The following MLH3 variants were observed in gnomAD, a reference collection of about 807,000 sequenced individuals.
MLH3 encodes DNA mismatch repair protein Mlh3.
MLH3 carries 82 observed loss-of-function variants against 122.2 expected under a neutral mutation model. That is an observed-to-expected ratio of 0.67 (90% CI 0.56 to 0.81). The LOEUF (loss-of-function observed/expected upper bound fraction) is 0.81. Ranked by LOEUF, MLH3 falls within the 30% of genes least tolerant of loss-of-function variation. MLH3 has a pLI of 0.00. For synonymous variants in MLH3, 524 were observed against 599.5 expected, an observed-to-expected ratio of 0.87 and a Z score of 1.84; for missense variants, 1,539 against 1,714.5, an observed-to-expected ratio of 0.90 and a Z score of 1.81.
rs532526372 is a variant in MLH3, at chr14:75,017,265, G to A, written c.4243-64C>T. ...AAGGTAGGTAGCATACAGGCTGGGCGAGGTGACTCACACCTGTAATCCCAG... is the reference window on the plus strand; with the variant it reads ...AAGGTAGGTAGCATACAGGCTGGGCAAGGTGACTCACACCTGTAATCCCAG... On this transcript the variant is annotated intron_variant, in intron 12 of 12. Coordinates refer to ENST00000355774, the MANE Select transcript of MLH3 (RefSeq NM_001040108.2). 4.5e-6 allele frequency: 7 copies of A among 1,552,992 alleles called. No homozygotes were observed. In the African/African-American group the frequency reaches 5.6e-5, roughly 12 times the overall value.
chr14:75,051,197 G>C (rs1401000122), intron 1 of MLH3, among the ~76,000 whole-genome samples, 183 bp downstream of exon 1: 1 of 152,136 alleles, frequency 6.6e-6, no homozygotes, highest in African/African-American at 2.4e-5. Context: ...GCCAGGCCCA[G>C]CCCCTCCCTG....
chr14:75,031,686 C>T (rs943441064), intron 8 of MLH3, among the ~76,000 whole-genome samples: 4 of 152,140 alleles, frequency 2.6e-5, no homozygotes, highest in African/African-American at 9.7e-5. Context: ...TGGTGGTGCT[C>T]ACCTGTAGTT....
rs1466170262 is a variant in MLH3 at position 75,042,438 on chromosome 14, A to C, written c.3320T>G (p.Val1107Gly). 1.2e-6 allele frequency: 2 copies of C among 1,614,246 alleles called. No individual in the cohort carries two copies. The highest frequency in any genetic ancestry group is 2.2e-5 in the South Asian group (2 of 91,084). ...TCGAGCTCTCGGAAGGAAAGGAAGA[A>C]CAAGGTCGCTTCTAAAAGGTTGACA... ...YRCQPFRSDL[V>G]LPFLPRARAE... The change falls in exon 3 of 13, where the codon GTT (valine) becomes GGT (glycine). Residue 1107 changes from valine to glycine, a missense_variant. Coordinates refer to ENST00000355774, the MANE Select transcript of MLH3 (RefSeq NM_001040108.2).
At chr14:75,040,059 G>A (rs1199494632) in intron 4 of MLH3, 44 bp from the exon 5 acceptor site, 1 of 1,044,520 alleles carries the variant, frequency 9.6e-7, no homozygotes. Flanking sequence ...TAATTTTTGT[G>A]TCAGAATTGT....
chr14:75,038,650 C>T (rs1040419827), intron 5 of MLH3, among the ~76,000 whole-genome samples: 2 of 152,038 alleles, frequency 1.3e-5, no homozygotes, highest in African/African-American at 4.8e-5. Context: ...AGACAGACTC[C>T]CACGTCTCAG....
chr14:75,020,260 T>C (rs1440049226), intron 11 of MLH3, among the ~76,000 whole-genome samples: 17 of 152,190 alleles, frequency 1.1e-4, no homozygotes, highest in Admixed American at 1.1e-3. Context: ...CGAAGACCCT[T>C]GTGGGCCACA....
chr14:75,031,516 ACAGTGGAAAGAATAGGCTGGGTC>A (rs1268036490), intron 8 of MLH3, among the ~76,000 whole-genome samples: 4 of 152,260 alleles, frequency 2.6e-5, no homozygotes, highest in African/African-American at 9.6e-5. Flanking sequence ...CAGCTGGGAT[ACAGTGGAAAGAATAGGCTGGGTC>A]CAGTGGCTCA....
rs772010423 is a variant in MLH3 at position 75,039,933 on chromosome 14, T to C, written c.3548A>G (p.Lys1183Arg). 1.7e-5 allele frequency: 26 copies of C among 1,561,202 alleles called. No homozygotes were observed. Among genetic ancestry groups the C allele is most frequent in the East Asian group, 2.4e-5 (1 of 41,726 alleles). The change falls in exon 5 of 13, where the codon AAA (lysine) becomes AGA (arginine). Residue 1183 changes from lysine to arginine, a missense_variant. Lys to Arg is a conservative substitution (Grantham distance 26). Transcript: ENST00000355774. The part of the protein sequence containing the change: ...HNILYPYRFT[K>R]GMIHSMQVLQ... ...TACCTGCATTGAATGAATCATTCCT[T>C]TGGTGAAACGATAGGGATACAAGAT... is the stretch of plus-strand genomic sequence containing the variant.
intron 9 of MLH3, among the ~76,000 whole-genome samples, chr14:75,029,347 A>G (rs1352734419): frequency 2.0e-5 from 3 of 152,076 alleles, no homozygotes; most frequent in Non-Finnish European, 4.4e-5. Context: ...GGTGAAAGAA[A>G]ATCTGCATTT....
chr14:75,019,745 T>C (rs528835756), intron 11 of MLH3, among the ~76,000 whole-genome samples: 10 of 152,312 alleles, frequency 6.6e-5, no homozygotes, highest in Admixed American at 1.3e-4. Context: ...ATAATCTTCC[T>C]AATCTAAACT....
chr14:75,033,320 G>A (rs1418909943), intron 7 of MLH3, 99 bp downstream of exon 7: 4 of 914,764 alleles, frequency 4.4e-6, no homozygotes, highest in East Asian at 4.9e-5. Context: ...ACAGTACAAA[G>A]TGTGCTTTCT....
chr14:75,040,121 C>A, intron 4 of MLH3, 106 bp from the exon 5 acceptor site: 1 of 617,086 alleles, frequency 1.6e-6, no homozygotes, highest in Non-Finnish European at 3.0e-6. Context: ...ATTTAGCCTA[C>A]TAGAGGTGGG....
intron 3 of MLH3, 103 bp downstream of exon 3, chr14:75,042,276 C>T (rs896122279): frequency 2.1e-6 from 2 of 956,556 alleles, no homozygotes; most frequent in Non-Finnish European, 3.4e-6. Flanking sequence ...GATTCCAGTA[C>T]AGCACAGCTG....
Position 75,041,674 on chromosome 14 carries a change from C to G in MLH3, c.3406G>C (p.Glu1136Gln), listed in dbSNP as rs113490514. 3 of 1,613,952 alleles carry G rather than the reference C, an allele frequency of 1.9e-6. No homozygotes were observed. The highest frequency in any genetic ancestry group is 2.5e-6 in the Non-Finnish European group (3 of 1,179,866). The change falls in exon 4 of 13, where the codon GAA becomes CAA. Residue 1136 changes from glutamate (E) to glutamine (Q), a missense_variant. Transcript: ENST00000355774. ...TCTGAGAACAAAGACTGAAGCGATT[C>G]GCTACTAACAGTATCATCCACAGTA... is the stretch of plus-strand genomic sequence containing the variant. Reference protein sequence around the residue: ...RDTVDDTVSSESLQSLFSEWD... With the variant: ...RDTVDDTVSSQSLQSLFSEWD...
At chr14:75,044,164 C>G (rs183073002) in intron 2 of MLH3, among the ~76,000 whole-genome samples, 62 of 152,246 alleles carry the variant, frequency 4.1e-4, no homozygotes, top group African/African-American at 1.4e-3. Context: ...GTCCTGATGT[C>G]ATGATGTATA....
chr14:75,049,607 A>C lies in MLH3; in HGVS notation c.49T>G (p.Leu17Val), dbSNP rs773049883. 3.1e-6 allele frequency: 5 copies of C among 1,614,224 alleles called. No individual in the cohort carries two copies. Among genetic ancestry groups the C allele is most frequent in the Non-Finnish European group, 4.2e-6 (5 of 1,180,032 alleles). Residue 17 changes from leucine (L) to valine (V), a missense_variant, in exon 2 of 13, where the codon TTG (leucine) becomes GTG (valine). Transcript: ENST00000355774. ...VEVQAKLRSG[L>V]AISSLGQCVE... ...CATTGGCCCAAGGAGCTTATGGCCAAACCAGAACGCAATTTGGCTTGTACT... is the reference window on the plus strand; with the variant it reads ...CATTGGCCCAAGGAGCTTATGGCCACACCAGAACGCAATTTGGCTTGTACT...
Position 75,037,875 on chromosome 14 carries a change from CTT to C in MLH3, c.3643+463_3643+464del, listed in dbSNP as rs555062189. ...CATTTTCACTCCCAAAGTAAATACT[CTT>C]GATAGTTTAATGTGCATCCTGAGTA... On this transcript the variant is annotated intron_variant, in intron 6 of 12. Transcript: ENST00000355774. 3.0e-4 allele frequency among the ~76,000 whole-genome samples: 45 copies of C among 152,156 alleles called. No individual in the cohort carries two copies. The South Asian group carries it at 3.1e-3, about 11-fold the overall frequency.
In MLH3 at chr14:75,030,732, A is replaced by C. The variant is rs750337131; in HGVS notation, c.3828-30T>G. The C allele has an allele frequency of 3.1e-6, 5 of 1,600,042 alleles. No homozygotes were observed. In the Admixed American group the frequency reaches 8.3e-5, roughly 27 times the overall value. ...AGAGATAACCTCAAATGTTAAAAAAAAAAAGAGTGCTACTTCATTTGCACT... is the reference window on the plus strand; with the variant it reads ...AGAGATAACCTCAAATGTTAAAAAACAAAAGAGTGCTACTTCATTTGCACT... On this transcript the variant is annotated intron_variant, in intron 8 of 12. Transcript: ENST00000355774.
intron 9 of MLH3, among the ~76,000 whole-genome samples, chr14:75,026,679 C>G (rs1890647933): frequency 6.6e-6 from 1 of 152,130 alleles, no homozygotes; most frequent in South Asian, 2.1e-4. Flanking sequence ...TAAATCCATA[C>G]AAAGATACAT....
Sources: allele counts gnomAD v4.1 joint callset (sites outside exome capture counted in the v4.1 genomes callset), GRCh38; gene constraint gnomAD v4.1.1; transcripts MANE v1.5; gene names NCBI Gene and HGNC (gene_info 2026-07-23, HGNC 2026-07-21).